Variants in ARL15 observed in about 807,000 individuals in gnomAD.
ARL15 encodes the protein ADP-ribosylation factor-like protein 15.
ARL15 carries 19 observed loss-of-function variants against 25.2 expected under a neutral mutation model. The ratio of observed to expected loss-of-function variants is 0.75; its 90% CI spans 0.53 to 1.10. ARL15 has a LOEUF of 1.10. ARL15 is among the 50% of genes least tolerant of loss of function. ARL15 has a pLI of 0.00. For synonymous variants in ARL15, 94 were observed against 86.8 expected, an observed-to-expected ratio of 1.08 and a Z score of -0.46; for missense variants, 220 against 246.0, an observed-to-expected ratio of 0.89 and a Z score of 0.71.
At chr5:54,232,515 A>AT (rs1756698892) in intron 1 of ARL15, among the ~76,000 whole-genome samples, 1 of 152,272 alleles carries the variant, frequency 6.6e-6, no homozygotes, top group Admixed American at 6.5e-5. Flanking sequence ...CCCTAAGTTC[A>AT]TATTTGAAAG....
chr5:54,207,232 A>T (rs1004586768), intron 1 of ARL15, among the ~76,000 whole-genome samples: 1 of 152,250 alleles, frequency 6.6e-6, no homozygotes, highest in African/African-American at 2.4e-5. Context: ...ATACAAATGT[A>T]TGTGGGTATC....
intron 3 of ARL15, among the ~76,000 whole-genome samples, chr5:54,116,476 G>A (rs888874283): frequency 6.6e-6 from 1 of 152,188 alleles, no homozygotes; most frequent in Non-Finnish European, 1.5e-5. Flanking sequence ...ATGTGTATCT[G>A]TACACTAGCT....
intron 1 of ARL15, among the ~76,000 whole-genome samples, chr5:54,187,571 G>GTGTC (rs1755276977): frequency 6.6e-6 from 1 of 152,188 alleles, no homozygotes; most frequent in African/African-American, 2.4e-5. Flanking sequence ...ACCAAGGCAG[G>GTGTC]TGACAGGATG....
At chr5:54,143,967 C>A (rs1753838378) in intron 3 of ARL15, among the ~76,000 whole-genome samples, 1 of 151,488 alleles carries the variant, frequency 6.6e-6, no homozygotes, top group Non-Finnish European at 1.5e-5. Flanking sequence ...TAATCTATAC[C>A]CTAAATAAAA....
chr5:53,966,776 C>T (rs1023741246), intron 4 of ARL15, among the ~76,000 whole-genome samples: 1 of 152,176 alleles, frequency 6.6e-6, no homozygotes, highest in Non-Finnish European at 1.5e-5. Context: ...CAAACAATAG[C>T]TATTTGACAA....
intron 1 of ARL15, among the ~76,000 whole-genome samples, chr5:54,281,699 A>G (rs1479795017): frequency 1.3e-5 from 2 of 152,178 alleles, no homozygotes; most frequent in African/African-American, 4.8e-5. Context: ...TAATCACAAT[A>G]TGAATTTTTG....
chr5:54,202,873 T>C (rs1008924210), intron 1 of ARL15, among the ~76,000 whole-genome samples: 1 of 139,964 alleles, frequency 7.1e-6, no homozygotes, highest in Admixed American at 7.0e-5. Context: ...ATAAAATCAA[T>C]AGAAAAAAGT....
chr5:53,942,187 G>C (rs1233466494), intron 4 of ARL15, among the ~76,000 whole-genome samples: 1 of 152,100 alleles, frequency 6.6e-6, no homozygotes, highest in African/African-American at 2.4e-5. Flanking sequence ...ACTGGGGCCA[G>C]GGAACTAGGT....
chr5:53,958,762 G>A (rs1747259029), intron 4 of ARL15, among the ~76,000 whole-genome samples: 1 of 152,144 alleles, frequency 6.6e-6, no homozygotes, highest in Non-Finnish European at 1.5e-5. Flanking sequence ...AACAGTTGGT[G>A]TGACTAAAAT....
chr5:53,981,210 A>T (rs939547322), intron 4 of ARL15, among the ~76,000 whole-genome samples: 8 of 152,238 alleles, frequency 5.3e-5, no homozygotes, highest in South Asian at 2.1e-4. Flanking sequence ...CCTAATCATT[A>T]TTATTTATTT....
At chr5:54,212,794 A>G (rs1756081511) in intron 1 of ARL15, among the ~76,000 whole-genome samples, 1 of 152,140 alleles carries the variant, frequency 6.6e-6, no homozygotes, top group African/African-American at 2.4e-5. Flanking sequence ...AACAAATAAG[A>G]GTGAATCTAC....
chr5:54,193,111 T>C (rs963937103), intron 1 of ARL15, among the ~76,000 whole-genome samples: 1 of 152,178 alleles, frequency 6.6e-6, no homozygotes, highest in Admixed American at 6.5e-5. Flanking sequence ...TAAACATCTC[T>C]ATCTAGATCT....
chr5:53,925,675 G>A (rs1258664858), intron 4 of ARL15, among the ~76,000 whole-genome samples: 1 of 152,080 alleles, frequency 6.6e-6, no homozygotes, highest in Non-Finnish European at 1.5e-5. Flanking sequence ...GGGCATGGTG[G>A]CATGTGCCTG....
chr5:54,131,238 AG>A (rs1049384932), intron 3 of ARL15, among the ~76,000 whole-genome samples: 2 of 152,216 alleles, frequency 1.3e-5, no homozygotes, highest in African/African-American at 4.8e-5. Flanking sequence ...CTGTCATTCA[AG>A]GCTCTTGATG....
chr5:53,907,690 G>A (rs1168812540), intron 4 of ARL15, among the ~76,000 whole-genome samples: 1 of 150,568 alleles, frequency 6.6e-6, no homozygotes. Flanking sequence ...TAGAGACGGG[G>A]TTTCACCTTG....
chr5:53,954,931 A>G (rs1336978766), intron 4 of ARL15, among the ~76,000 whole-genome samples: 1 of 151,998 alleles, frequency 6.6e-6, no homozygotes, highest in Non-Finnish European at 1.5e-5. Context: ...GCCATACTCC[A>G]ACATCACTTT....
Position 53,956,279 on chromosome 5 carries a change from A to C in ARL15, c.463-69566T>G, listed in dbSNP as rs574129929. The stretch of plus-strand genomic sequence containing the variant: ...TTTTAATAGTTTAGAAATGTCACTA[A>C]ACTAACAGCTGCAGCTTACAGCAAA... On this transcript the variant is annotated intron_variant, in intron 4 of 4. Coordinates refer to ENST00000504924, the MANE Select transcript of ARL15 (RefSeq NM_019087.3). 1.3e-3 allele frequency among the ~76,000 whole-genome samples: 191 copies of C among 152,008 alleles called. 1 individual carries two copies. Among genetic ancestry groups the C allele is most frequent in the South Asian group, 0.011 (55 of 4,794 alleles).
At chr5:54,041,368 T>A (rs188668681) in intron 4 of ARL15, among the ~76,000 whole-genome samples, 82 of 152,316 alleles carry the variant, frequency 5.4e-4, no homozygotes, top group African/African-American at 1.9e-3. Flanking sequence ...GAAAACTACA[T>A]CTGCACAACA....
At position 54,207,073 on chromosome 5, in the gene ARL15, G is replaced by A. The variant is rs1421342108; in HGVS notation, c.49-35145C>T. On this transcript the variant is annotated intron_variant, in intron 1 of 4. Transcript: ENST00000504924. ...GAATCTCCTTTCTCAAAGCACCCAC[G>A]TTCCTCTAGCAGAGAGGAGTCTTGC... Among the ~76,000 whole-genome samples, 4 of 152,194 alleles carry A rather than the reference G, an allele frequency of 2.6e-5. 1 individual carries two copies. Among genetic ancestry groups the A allele is most frequent in the African/African-American group, 7.2e-5 (3 of 41,450 alleles).
Sources: allele counts gnomAD v4.1 joint callset (sites outside exome capture counted in the v4.1 genomes callset), GRCh38; gene constraint gnomAD v4.1.1; transcripts MANE v1.5; gene names NCBI Gene and HGNC (gene_info 2026-07-23, HGNC 2026-07-21).